Variants in RBFOX2 observed in about 807,000 individuals in gnomAD.
The protein encoded by RBFOX2 is RNA binding protein fox-1 homolog 2.
RBFOX2 carries 10 observed loss-of-function variants against 49.1 expected under a neutral mutation model. That is an observed-to-expected ratio of 0.20 (90% CI 0.13 to 0.35). The LOEUF (loss-of-function observed/expected upper bound fraction) is 0.35, where lower values mean the gene tolerates loss of function less well. Among genes scored for constraint, RBFOX2 ranks in the 10% least tolerant of loss-of-function variants. RBFOX2 has a pLI of 1.00. For missense variants in RBFOX2, 323 were observed against 486.9 expected (o/e 0.66, Z 3.17); for synonymous variants, 183 against 187.4 (o/e 0.98, Z 0.19).
intron 2 of RBFOX2, among the ~76,000 whole-genome samples, chr22:35,803,356 C>T (rs531883018): frequency 4.0e-4 from 61 of 152,206 alleles, no homozygotes; most frequent in African/African-American, 1.3e-3. Context: ...TAGCAGACAA[C>T]GTTAAAGCAG....
rs954571175 is a variant in RBFOX2 at position 35,759,793 on chromosome 22, G to A, written c.887+95C>T. 5 of 1,505,890 alleles carry A rather than the reference G, an allele frequency of 3.3e-6. No homozygotes were observed. Among genetic ancestry groups the A allele is most frequent in the Admixed American group, 1.8e-5 (1 of 54,572 alleles). 93.3% of individuals were successfully genotyped at this position (1,505,890 alleles called of 1,614,324 possible). A position where few individuals can be genotyped will look rare whatever the true frequency, so the allele number is the denominator to read the frequency against. On this transcript the variant is annotated intron_variant, in intron 9 of 11. Coordinates refer to ENST00000405409, the Ensembl canonical transcript of RBFOX2. The surrounding 1 kb of genome is among the most constrained non-coding windows in gnomAD (Gnocchi z 4.6). Reference sequence around the variant, plus strand: ...TCACTGAATGCCTACTCTGTGACACGGCAACATCCCAGAAGTTATGAAAGG... The same window carrying A: ...TCACTGAATGCCTACTCTGTGACACAGCAACATCCCAGAAGTTATGAAAGG...
intron 1 of RBFOX2, among the ~76,000 whole-genome samples, chr22:35,812,734 T>C (rs1183701421): frequency 2.0e-5 from 3 of 152,342 alleles, no homozygotes; most frequent in East Asian, 3.9e-4. Flanking sequence ...GTTTTCAAGT[T>C]AGGATTAACA....
intron 1 of RBFOX2, among the ~76,000 whole-genome samples, chr22:35,831,887 C>T (rs1398054485): frequency 1.3e-5 from 2 of 152,148 alleles, no homozygotes; most frequent in Non-Finnish European, 2.9e-5. Flanking sequence ...GTGACAGTAA[C>T]CTTTGAGGGA....
intron 1 of RBFOX2, chr22:35,993,740 AT>A (rs1399961298): frequency 6.6e-6 from 1 of 152,242 alleles, no homozygotes; most frequent in Non-Finnish European, 1.5e-5. Flanking sequence ...CCAAACTGCC[AT>A]TATGGGAGGT....
chr22:35,929,732 T>C lies in RBFOX2; in HGVS notation c.-34+9115A>G, dbSNP rs900419385. On this transcript the variant is annotated intron_variant, in intron 1 of 13. Coordinates refer to the RBFOX2 transcript ENST00000359369. ...AACTCCTGGGCTCAAAGGATCCTCC[T>C]GCCTCGGCCTCCCAAAGTACTGGTA... Among the ~76,000 whole-genome samples the C allele has an allele frequency of 3.9e-5, 6 of 152,158 alleles. No individual in the cohort carries two copies. The South Asian group carries it at 1.2e-3, about 32-fold the overall frequency.
chr22:35,822,917 G>A (rs551015521), intron 1 of RBFOX2: 102 of 360,094 alleles, frequency 2.8e-4, no homozygotes, highest in South Asian at 2.0e-3. Flanking sequence ...TTCCACCTCC[G>A]GGTTCAAGTG....
intron 1 of RBFOX2, among the ~76,000 whole-genome samples, chr22:35,821,366 C>A (rs1348087487): frequency 1.3e-5 from 2 of 152,014 alleles, no homozygotes; most frequent in African/African-American, 4.8e-5. Flanking sequence ...CTTTGGGAGG[C>A]CAAGGTGGGC....
chr22:35,811,422 C>T (rs914651187), intron 1 of RBFOX2, among the ~76,000 whole-genome samples: 2 of 152,126 alleles, frequency 1.3e-5, no homozygotes, highest in African/African-American at 4.8e-5. Context: ...CAGACACATA[C>T]AGAGGGAGGC....
intron 9 of RBFOX2, chr22:35,750,435 C>A (rs1373364604): frequency 3.1e-6 from 5 of 1,603,760 alleles, no homozygotes; most frequent in Non-Finnish European, 4.3e-6. Flanking sequence ...CCTGTTTGAT[C>A]TGAAGCAGTT....
chr22:35,999,829 G>C (rs2150147348), intron 1 of RBFOX2: 1 of 152,022 alleles, frequency 6.6e-6, no homozygotes, highest in South Asian at 2.1e-4. Flanking sequence ...CCTAGCTCGA[G>C]GTTTCACAGA....
intron 1 of RBFOX2, among the ~76,000 whole-genome samples, chr22:35,904,706 A>C (rs1179999933): frequency 6.6e-6 from 1 of 152,214 alleles, no homozygotes; most frequent in Non-Finnish European, 1.5e-5. Flanking sequence ...CTATAAATTT[A>C]TTCTTCTCAG....
intron 1 of RBFOX2, among the ~76,000 whole-genome samples, chr22:35,935,371 T>C (rs2052937069): frequency 6.6e-6 from 1 of 152,190 alleles, no homozygotes; most frequent in African/African-American, 2.4e-5. Flanking sequence ...GAGTGCTTTA[T>C]AAAAGCAATG....
chr22:35,836,880 C>T (rs1032586856), intron 1 of RBFOX2, among the ~76,000 whole-genome samples: 1 of 152,130 alleles, frequency 6.6e-6, no homozygotes, highest in African/African-American at 2.4e-5. Flanking sequence ...ACACATAGTA[C>T]AAGAATGATT....
chr22:35,990,307 A>G (rs1248690709), intron 1 of RBFOX2, among the ~76,000 whole-genome samples: 1 of 152,132 alleles, frequency 6.6e-6, no homozygotes, highest in Non-Finnish European at 1.5e-5. Context: ...GAAAAATACA[A>G]TGAAAAATGA....
intron 1 of RBFOX2, among the ~76,000 whole-genome samples, chr22:35,966,919 C>T (rs1440783154): frequency 2.0e-5 from 3 of 151,902 alleles, no homozygotes; most frequent in African/African-American, 7.3e-5. Context: ...CTCAAGCAAT[C>T]CTCCTTCCTC....
At chr22:35,891,156 T>C (rs559571990) in intron 1 of RBFOX2, among the ~76,000 whole-genome samples, 2 of 152,296 alleles carry the variant, frequency 1.3e-5, no homozygotes, top group Admixed American at 1.3e-4. Context: ...AAGGGCACAC[T>C]ATGTCTTCGC....
At chr22:35,861,218 C>G (rs2043056320) in intron 1 of RBFOX2, among the ~76,000 whole-genome samples, 1 of 152,160 alleles carries the variant, frequency 6.6e-6, no homozygotes. Flanking sequence ...TGTAAAACTT[C>G]TAGGAGAAAA....
At chr22:35,986,049 T>A (rs576606126) in intron 1 of RBFOX2, among the ~76,000 whole-genome samples, 2 of 152,048 alleles carry the variant, frequency 1.3e-5, no homozygotes, top group African/African-American at 4.8e-5. Context: ...AATTCTAACC[T>A]CTCCCTCAGA....
intron 1 of RBFOX2, among the ~76,000 whole-genome samples, chr22:35,887,674 A>C (rs2046758251): frequency 1.3e-5 from 2 of 152,104 alleles, no homozygotes; most frequent in Admixed American, 6.5e-5. Flanking sequence ...GTCCCCTGCT[A>C]AATAGGGCTC....
Sources: allele counts gnomAD v4.1 joint callset (sites outside exome capture counted in the v4.1 genomes callset), GRCh38; gene constraint gnomAD v4.1.1; non-coding constraint Gnocchi (gnomAD v3.1); transcripts MANE v1.5; gene names NCBI Gene and HGNC (gene_info 2026-07-23, HGNC 2026-07-21).